Variants in HDAC9 observed in about 807,000 individuals in gnomAD.
HDAC9 encodes the protein histone deacetylase 9, also known as MEF-2 interacting transcription repressor (MITR) protein.
HDAC9 carries 41 observed loss-of-function variants against 139.4 expected under a neutral mutation model. That is an observed-to-expected ratio of 0.29 (90% CI 0.23 to 0.38). The LOEUF is 0.38. Ranked by LOEUF, HDAC9 falls within the 10% of genes least tolerant of loss-of-function variation. HDAC9 has a pLI of 1.00. For missense variants in HDAC9, 1,147 were observed against 1,297.0 expected (o/e 0.88, Z 1.78); for synonymous variants, 517 against 476.2 (o/e 1.09, Z -1.12).
At chr7:18,109,757 C>G (rs1202805623) in intron 1 of HDAC9, among the ~76,000 whole-genome samples, 2 of 152,150 alleles carry the variant, frequency 1.3e-5, no homozygotes, top group Non-Finnish European at 2.9e-5. Flanking sequence ...GTTACCAGTA[C>G]TTACATATCC....
chr7:18,475,443 C>T (rs539965847), intron 1 of HDAC9, among the ~76,000 whole-genome samples: 4 of 152,208 alleles, frequency 2.6e-5, no homozygotes, highest in East Asian at 1.9e-4. Context: ...TCCCCTGTCC[C>T]GGGAGATATC....
intron 8 of HDAC9, among the ~76,000 whole-genome samples, chr7:18,641,804 A>G (rs774083055): frequency 6.6e-6 from 1 of 151,996 alleles, no homozygotes; most frequent in Non-Finnish European, 1.5e-5. Flanking sequence ...AGGATCTTTC[A>G]TTGTGTCAGG....
chr7:18,277,333 C>G (rs940703062), intron 2 of HDAC9, among the ~76,000 whole-genome samples: 11 of 152,088 alleles, frequency 7.2e-5, no homozygotes, highest in Admixed American at 7.2e-4. Context: ...TGATCCATGT[C>G]TTAAAAAGTG....
chr7:18,342,008 C>G (rs537330642), intron 1 of HDAC9, among the ~76,000 whole-genome samples: 1 of 151,938 alleles, frequency 6.6e-6, no homozygotes, highest in South Asian at 2.1e-4. Flanking sequence ...GTCCCGTGAT[C>G]AAAGAGGCTT....
At chr7:18,964,295 T>TA (rs2129330556) in intron 24 of HDAC9, among the ~76,000 whole-genome samples, 1 of 152,320 alleles carries the variant, frequency 6.6e-6, no homozygotes, top group Admixed American at 6.5e-5. Context: ...CTCCTATACA[T>TA]ACTTCATATC....
chr7:18,239,624 A>G (rs769760035), intron 2 of HDAC9, among the ~76,000 whole-genome samples: 34 of 152,182 alleles, frequency 2.2e-4, no homozygotes, highest in Non-Finnish European at 4.9e-4. Flanking sequence ...TTTTAGATGT[A>G]CCTTTGATTT....
At chr7:18,203,458 G>T (rs1318320235) in intron 2 of HDAC9, among the ~76,000 whole-genome samples, 1 of 152,160 alleles carries the variant, frequency 6.6e-6, no homozygotes, top group Admixed American at 6.6e-5. Flanking sequence ...GCATAAAATG[G>T]TTTGGTATTT....
At position 18,172,791 on chromosome 7, in the gene HDAC9, T is replaced by C. The variant is rs541698885; in HGVS notation, c.25+10442T>C. Among the ~76,000 whole-genome samples the C allele has an allele frequency of 1.1e-3, 167 of 152,372 alleles. 1 individual carries two copies. The highest frequency in any genetic ancestry group is 3.7e-3 in the African/African-American group (154 of 41,590). ...TGAGTTTCTTAATCCTGAGTTCTAA[T>C]TTGATTGCACTGTGGTCTGAGAGAC... On this transcript the variant is annotated intron_variant, in intron 2 of 12. Transcript: ENST00000417496.
At chr7:18,946,036 C>CAAAATAAAAAAAAAAAAAA (rs1563077235) in intron 23 of HDAC9, among the ~76,000 whole-genome samples, 21 of 38,274 alleles carry the variant, frequency 5.5e-4, no homozygotes, top group Admixed American at 1.2e-3. Flanking sequence ...GACTCCGTCT[C>CAAAATAAAAAAAAAAAAAA]AAAAAAAAAA....
chr7:18,492,052 G>A (rs772087071), upstream of HDAC9, among the ~76,000 whole-genome samples: 45 of 152,040 alleles, frequency 3.0e-4, no homozygotes, highest in African/African-American at 5.3e-4. Flanking sequence ...TGTAACAGCC[G>A]CCTAACATGA....
At chr7:18,862,957 C>T (rs1239807795) in intron 21 of HDAC9, among the ~76,000 whole-genome samples, 2 of 152,078 alleles carry the variant, frequency 1.3e-5, no homozygotes, top group Non-Finnish European at 2.9e-5. Context: ...CTCCTCATTA[C>T]AGTAGTATAA....
chr7:18,671,696 A>C (rs1283128009), intron 12 of HDAC9, among the ~76,000 whole-genome samples: 1 of 151,982 alleles, frequency 6.6e-6, no homozygotes, highest in Non-Finnish European at 1.5e-5. Flanking sequence ...CTCAAAAAAA[A>C]ATCTTGTACC....
At chr7:18,480,765 T>C (rs190168710) in intron 1 of HDAC9, among the ~76,000 whole-genome samples, 1 of 152,292 alleles carries the variant, frequency 6.6e-6, no homozygotes, top group East Asian at 1.9e-4. Flanking sequence ...GATTTTTTTC[T>C]AGTCATGGGG....
chr7:18,564,078 G>T (rs571879663), intron 2 of HDAC9, among the ~76,000 whole-genome samples: 1 of 151,788 alleles, frequency 6.6e-6, no homozygotes, highest in African/African-American at 2.4e-5. Context: ...CTCATGATCC[G>T]CCCGCCCCGG....
intron 2 of HDAC9, among the ~76,000 whole-genome samples, chr7:18,223,891 C>T (rs1359216858): frequency 1.3e-5 from 2 of 152,034 alleles, no homozygotes; most frequent in East Asian, 3.9e-4. Flanking sequence ...ATCTTTTCTT[C>T]CAGAATCAAC....
intron 12 of HDAC9, 120 bp downstream of exon 12, chr7:18,666,596 G>C (rs1323996842): frequency 1.1e-5 from 16 of 1,490,542 alleles, no homozygotes; most frequent in African/African-American, 2.8e-5. Context: ...TCTATGATTT[G>C]AGTTCAGTGT....
intron 2 of HDAC9, among the ~76,000 whole-genome samples, chr7:18,187,489 G>A (rs995422197): frequency 6.6e-6 from 1 of 152,140 alleles, no homozygotes; most frequent in East Asian, 1.9e-4. Flanking sequence ...GAACATCACA[G>A]ATATTTTCTT....
At chr7:18,199,233 C>G (rs576121425) in intron 2 of HDAC9, among the ~76,000 whole-genome samples, 2 of 152,112 alleles carry the variant, frequency 1.3e-5, no homozygotes, top group East Asian at 3.9e-4. Flanking sequence ...CAAAGTAATG[C>G]TAGAAATATT....
chr7:18,816,949 T>G (rs1348765612), intron 17 of HDAC9, among the ~76,000 whole-genome samples: 2 of 152,154 alleles, frequency 1.3e-5, no homozygotes, highest in African/African-American at 4.8e-5. Flanking sequence ...TTGATTGTAA[T>G]TTTTTGGGCC....
Sources: gnomAD v4.1 joint callset for allele counts (sites outside exome capture counted in the v4.1 genomes callset) on GRCh38, gnomAD v4.1.1 for gene constraint, MANE v1.5 for transcripts, NCBI Gene and HGNC (gene_info 2026-07-23, HGNC 2026-07-21) for gene names.